The following ZCCHC14 variants were observed in gnomAD, a reference collection of about 807,000 sequenced individuals.
ZCCHC14 encodes zinc finger CCHC domain-containing protein 14.
Under a neutral mutation model 85.0 loss-of-function variants are expected in ZCCHC14, and 16 were observed. The ratio of observed to expected loss-of-function variants is 0.19; its 90% CI spans 0.13 to 0.29. The LOEUF (loss-of-function observed/expected upper bound fraction) is 0.29, where lower values mean the gene tolerates loss of function less well. Ranked by LOEUF, ZCCHC14 falls within the 10% of genes least tolerant of loss-of-function variation. The pLI is 1.00. For missense variants in ZCCHC14, 1,303 were observed against 1,443.5 expected, an observed-to-expected ratio of 0.90 and a Z score of 1.58; for synonymous variants, 775 against 630.7, an observed-to-expected ratio of 1.23 and a Z score of -3.43.
Position 87,412,039 on chromosome 16 carries a change from A to G in ZCCHC14, c.2682T>C (p.Pro894=). 9 of 1,609,442 alleles carry G rather than the reference A, an allele frequency of 5.6e-6. No individual in the cohort carries two copies. The highest frequency in any genetic ancestry group is 7.6e-6 in the Non-Finnish European group (9 of 1,179,900). The stretch of plus-strand genomic sequence containing the variant: ...GGTGGTGGTGGTTCGGATTCGAGGC[A>G]GGAATGTTTCCTGTGGAGCCGCCAC... ...SGGGGSTGNI[P]ASNPNHHHHH... is the part of the protein sequence containing the mutation. The change falls in exon 12 of 13, where the codon CCT becomes CCC. Residue 894 remains proline (P), a synonymous_variant. Coordinates refer to ENST00000671377, the MANE Select transcript of ZCCHC14 (RefSeq NM_015144.3).
chr16:87,486,508 G>T (rs1280685047), intron 1 of ZCCHC14, among the ~76,000 whole-genome samples: 1 of 152,108 alleles, frequency 6.6e-6, no homozygotes, highest in Non-Finnish European at 1.5e-5. Context: ...TGCACTCTGC[G>T]GTGCTCACAC....
chr16:87,476,800 C>T (rs1249517020), intron 1 of ZCCHC14, among the ~76,000 whole-genome samples: 1 of 151,858 alleles, frequency 6.6e-6, no homozygotes, highest in Non-Finnish European at 1.5e-5. Flanking sequence ...TCATACCGCA[C>T]AAACCCGCAT....
At chr16:87,487,746 G>A (rs1391542841) in intron 1 of ZCCHC14, among the ~76,000 whole-genome samples, 1 of 152,222 alleles carries the variant, frequency 6.6e-6, no homozygotes, top group Admixed American at 6.5e-5. Flanking sequence ...AGGTCCACCC[G>A]CTGAAGAATG....
chr16:87,422,702 C>G (rs1444072510), intron 4 of ZCCHC14, among the ~76,000 whole-genome samples: 1 of 151,692 alleles, frequency 6.6e-6, no homozygotes, highest in East Asian at 1.9e-4. Context: ...TACCACTGCA[C>G]TCCAGTCTGG....
intron 2 of ZCCHC14, among the ~76,000 whole-genome samples, chr16:87,441,855 G>C (rs1459951107): frequency 6.6e-6 from 1 of 152,236 alleles, no homozygotes; most frequent in Non-Finnish European, 1.5e-5. Flanking sequence ...TCTGGTTCCA[G>C]GTAAGACGGA....
intron 1 of ZCCHC14, chr16:87,467,081 C>T (rs1167140959): frequency 1.4e-5 from 8 of 577,442 alleles, no homozygotes; most frequent in Admixed American, 3.0e-5. Context: ...GACAGGGTCC[C>T]GCTATGTTGC....
At chr16:87,456,758 G>A (rs1910989493) in intron 2 of ZCCHC14, among the ~76,000 whole-genome samples, 1 of 151,886 alleles carries the variant, frequency 6.6e-6, no homozygotes, top group Non-Finnish European at 1.5e-5. Flanking sequence ...TCGATAATAT[G>A]GTAAATACCT....
At chr16:87,448,470 C>T (rs879484842) in intron 2 of ZCCHC14, among the ~76,000 whole-genome samples, 6 of 152,170 alleles carry the variant, frequency 3.9e-5, no homozygotes, top group Non-Finnish European at 8.8e-5. Flanking sequence ...CTCACGAGGC[C>T]GTTTTCTTCC....
At chr16:87,411,395 A>C (rs982088806) in intron 12 of ZCCHC14, 121 bp downstream of exon 12, 4 of 1,520,846 alleles carry the variant, frequency 2.6e-6, no homozygotes, top group Non-Finnish European at 3.5e-6. Context: ...ACGCGCTTTC[A>C]AAGAGCATTC....
rs1318722586 is a variant in ZCCHC14, at chr16:87,406,941, G to A, written c.*3339C>T. 2.6e-5 allele frequency: 4 copies of A among 152,140 alleles called. No homozygotes were observed. The highest frequency in any genetic ancestry group is 7.2e-5 in the African/African-American group (3 of 41,428). 9.4% of individuals were successfully genotyped at this position (152,140 alleles called of 1,614,324 possible). A position where few individuals can be genotyped will look rare whatever the true frequency, so the allele number is the denominator to read the frequency against. On this transcript the variant is annotated 3_prime_UTR_variant, in exon 13 of 13. Transcript: ENST00000671377. ...TGGGACAGCAGTCGAGTCAAGCAGG[G>A]AGACGGCTTTCCTCACAACCTTGAA...
Position 87,492,200 on chromosome 16 carries a change from C to T in ZCCHC14, c.39G>A (p.Val13=). 2 of 984,940 alleles carry T rather than the reference C, an allele frequency of 2.0e-6. No individual in the cohort carries two copies. Among genetic ancestry groups the T allele is most frequent in the Non-Finnish European group, 2.4e-6 (2 of 829,780 alleles). The allele number at this position is 984,940 out of a possible 1,614,324, so 61.0% of individuals were successfully genotyped here. Residue 13 remains valine, a synonymous_variant, in exon 1 of 13, where the codon GTG becomes GTA. Coordinates refer to ENST00000671377, the MANE Select transcript of ZCCHC14 (RefSeq NM_015144.3). This position sits in a 1 kb window ranked among gnomAD's most constrained non-coding sequence, Gnocchi z 6.7. The stretch of plus-strand genomic sequence containing the variant: ...ACGGCAGCTCCGAGAACCAGCGGTA[C>T]ACGCCGTCCCTCTGCAGCGGGCAGC... ...EKRCPLQRDG[V]YRWFSELPSP...
chr16:87,430,539 T>G (rs75900039), intron 3 of ZCCHC14, among the ~76,000 whole-genome samples: 1 of 151,582 alleles, frequency 6.6e-6, no homozygotes, highest in African/African-American at 2.4e-5. Flanking sequence ...TTTTTTTTTT[T>G]GAGATGCAGT....
At chr16:87,469,495 G>T (rs1001018694) in intron 1 of ZCCHC14, among the ~76,000 whole-genome samples, 1 of 152,202 alleles carries the variant, frequency 6.6e-6, no homozygotes, top group Non-Finnish European at 1.5e-5. Context: ...CCGTCTCGGC[G>T]GCCAGTGCTG....
intron 2 of ZCCHC14, among the ~76,000 whole-genome samples, chr16:87,444,949 G>A (rs1910361787): frequency 6.6e-6 from 1 of 152,162 alleles, no homozygotes. Flanking sequence ...GAAAACACAT[G>A]ATCACGATTT....
At position 87,491,237 on chromosome 16, in the gene ZCCHC14, T is replaced by C. The variant is rs1912746764; in HGVS notation, c.570+432A>G. ...CGCGGATCCTCGGACCCAGGGCCCC[T>C]GCAGCCGCTCCTGCCCAAGGGGCGC... On this transcript the variant is annotated intron_variant, in intron 1 of 12. Transcript: ENST00000671377. The surrounding 1 kb of genome is among the most constrained non-coding windows in gnomAD (Gnocchi z 5.9). 6.6e-6 allele frequency among the ~76,000 whole-genome samples: 1 copy of C among 152,222 alleles called. No individual in the cohort carries two copies. The highest frequency in any genetic ancestry group is 1.5e-5 in the Non-Finnish European group (1 of 68,034).
Position 87,409,252 on chromosome 16 carries a change from T to C in ZCCHC14, c.*1028A>G, listed in dbSNP as rs1908330984. On this transcript the variant is annotated 3_prime_UTR_variant, in exon 13 of 13. Coordinates refer to ENST00000671377, the MANE Select transcript of ZCCHC14 (RefSeq NM_015144.3). ...GATAAATGACAGGACTGTATCATTG[T>C]TGAAATGTCTGTCTCAGGTGTGAAT... 6.6e-6 allele frequency: 1 copy of C among 152,224 alleles called. No individual in the cohort carries two copies. Among genetic ancestry groups the C allele is most frequent in the African/African-American group, 2.4e-5 (1 of 41,462 alleles). 9.4% of individuals were successfully genotyped at this position (152,224 alleles called of 1,614,324 possible). A position where few individuals can be genotyped will look rare whatever the true frequency, so the allele number is the denominator to read the frequency against.
intron 4 of ZCCHC14, 119 bp downstream of exon 4, chr16:87,423,691 G>C: frequency 8.7e-7 from 1 of 1,154,558 alleles, no homozygotes; most frequent in Non-Finnish European, 1.3e-6. Context: ...AGGAGGCCCC[G>C]CCCTGCGCAC....
At chr16:87,454,646 G>A (rs1597433505) in intron 2 of ZCCHC14, among the ~76,000 whole-genome samples, 2 of 152,352 alleles carry the variant, frequency 1.3e-5, no homozygotes, top group African/African-American at 4.8e-5. Context: ...CGGGAAATGA[G>A]ACCAGATGGA....
chr16:87,458,331 A>G (rs1054280613), intron 2 of ZCCHC14, among the ~76,000 whole-genome samples: 3 of 152,152 alleles, frequency 2.0e-5, no homozygotes, highest in Non-Finnish European at 4.4e-5. Context: ...TCCGACGCCA[A>G]GTGTCCGCTC....
Sources: gnomAD v4.1 joint callset for allele counts (sites outside exome capture counted in the v4.1 genomes callset) on GRCh38, gnomAD v4.1.1 for gene constraint, Gnocchi (gnomAD v3.1) non-coding constraint, MANE v1.5 for transcripts, NCBI Gene and HGNC (gene_info 2026-07-23, HGNC 2026-07-21) for gene names.